The following HERC1 variants were observed in gnomAD, a reference collection of about 807,000 sequenced individuals.
HERC1 encodes HECT and RLD domain containing E3 ubiquitin protein ligase family member 1.
Under a neutral mutation model 554.3 loss-of-function variants are expected in HERC1, and 160 were observed. That is an observed-to-expected ratio of 0.29 (90% CI 0.25 to 0.33). The LOEUF (loss-of-function observed/expected upper bound fraction) is 0.33, where lower values mean the gene tolerates loss of function less well. Ranked by LOEUF, HERC1 falls within the 10% of genes least tolerant of loss-of-function variation. HERC1 has a pLI of 1.00. For missense variants in HERC1, 4,919 were observed against 5,918.5 expected, an observed-to-expected ratio of 0.83 and a Z score of 5.54; for synonymous variants, 2,175 against 2,131.7, an observed-to-expected ratio of 1.02 and a Z score of -0.56.
chr15:63,677,762 C>A lies in HERC1; in HGVS notation c.7070+83G>T. 1 of 1,518,098 alleles carries A rather than the reference C, an allele frequency of 6.6e-7. No individual in the cohort carries two copies. The highest frequency in any genetic ancestry group is 8.8e-7 in the Non-Finnish European group (1 of 1,134,660). 94.0% of individuals were successfully genotyped at this position (1,518,098 alleles called of 1,614,324 possible). A position where few individuals can be genotyped will look rare whatever the true frequency, so the allele number is the denominator to read the frequency against. ...GTTAACTGGCAGCTCACCTAAAATA[C>A]ATAATTACTCACTGTCGACAGGCAA... On this transcript the variant is annotated intron_variant, in intron 37 of 77. Coordinates refer to ENST00000443617, the MANE Select transcript of HERC1 (RefSeq NM_003922.4). The surrounding 1 kb of genome is among the most constrained non-coding windows in gnomAD (Gnocchi z 4.4).
rs763939795 is a variant in HERC1, at chr15:63,775,588, C to G, written c.36G>C (p.Trp12Cys). 6.2e-7 allele frequency: 1 copy of G among 1,606,684 alleles called. No individual in the cohort carries two copies. Among genetic ancestry groups the G allele is most frequent in the Non-Finnish European group, 8.5e-7 (1 of 1,177,052 alleles). ...TCCAGGAGCTGTTCAAGTGTTCAAG[C>G]CATTTCAGCTTCACTGGTGGAATCA... ...ATMIPPVKLK[W>C]LEHLNSSWIT... is the part of the protein sequence containing the mutation. The change falls in exon 2 of 78, where the codon TGG (tryptophan) becomes TGC (cysteine). Residue 12 changes from tryptophan (W) to cysteine (C), a missense_variant. Trp to Cys is a radical substitution (Grantham distance 215). Around this residue, in one of 11 missense-constraint regions of HERC1, gnomAD observed 110 missense variants for 99.3 expected, o/e 1.11. Coordinates refer to ENST00000443617, the MANE Select transcript of HERC1 (RefSeq NM_003922.4). The surrounding 1 kb of genome is among the most constrained non-coding windows in gnomAD (Gnocchi z 4.0).
intron 2 of HERC1, among the ~76,000 whole-genome samples, chr15:63,772,278 G>A (rs899964176): frequency 6.6e-6 from 1 of 152,122 alleles, no homozygotes; most frequent in Non-Finnish European, 1.5e-5. Flanking sequence ...TGTAGAATAA[G>A]GCCTTAGAAG....
rs775620518 is a variant in HERC1, at chr15:63,698,963, T to G, written c.4670A>C (p.Asp1557Ala). 9.3e-6 allele frequency: 15 copies of G among 1,613,078 alleles called. No homozygotes were observed. In the South Asian group the frequency reaches 1.6e-4, roughly 18 times the overall value. ...GCTATGTTTCAGGCGAGCCCAAGAG[T>G]CACTCAGGGATTCCAATTGACTGTG... ...PMHSQLESLS[D>A]SWARLKHSRD... The change falls in exon 26 of 78, where the codon GAC (aspartate) becomes GCC (alanine). Residue 1557 changes from aspartate to alanine, a missense_variant. By Grantham distance (126) the Asp-to-Ala change is moderately radical. Coordinates refer to ENST00000443617, the MANE Select transcript of HERC1 (RefSeq NM_003922.4).
chr15:63,748,377 C>CA (rs1297194837), intron 10 of HERC1, among the ~76,000 whole-genome samples: 1 of 152,048 alleles, frequency 6.6e-6, no homozygotes, highest in Non-Finnish European at 1.5e-5. Flanking sequence ...AACATACAAC[C>CA]ACCACCTGTT....
At position 63,624,442 on chromosome 15, in the gene HERC1, G is replaced by A. The variant is rs540162004; in HGVS notation, c.13276-115C>T. ...CTGGGCGCAGTGGCTCATGCCTGTA[G>A]TCCCAGCACTTTGGGAGGCTGTGGT... On this transcript the variant is annotated intron_variant, in intron 71 of 77. Coordinates refer to ENST00000443617, the MANE Select transcript of HERC1 (RefSeq NM_003922.4). The A allele has an allele frequency of 2.7e-5, 24 of 884,484 alleles. No individual in the cohort carries two copies. In the African/African-American group the frequency reaches 3.0e-4, roughly 11 times the overall value. The allele number at this position is 884,484 out of a possible 1,614,324, so 54.8% of individuals were successfully genotyped here.
At chr15:63,690,084 A>G (rs2072018173) in intron 32 of HERC1, among the ~76,000 whole-genome samples, 1 of 148,622 alleles carries the variant, frequency 6.7e-6, no homozygotes, top group African/African-American at 2.5e-5. Flanking sequence ...AATCACTTGA[A>G]CCCAGGAGGC....
chr15:63,800,353 C>T (rs541308678), intron 1 of HERC1, among the ~76,000 whole-genome samples: 8 of 152,320 alleles, frequency 5.3e-5, no homozygotes, highest in South Asian at 2.1e-4. Flanking sequence ...CTTCTATAGA[C>T]GCCTGAGATC....
intron 2 of HERC1, among the ~76,000 whole-genome samples, chr15:63,774,214 T>C (rs533782135): frequency 6.6e-6 from 1 of 152,354 alleles, no homozygotes; most frequent in African/African-American, 2.4e-5. Flanking sequence ...TGAAATTATA[T>C]ATTTATTATC....
At chr15:63,816,621 T>C (rs972631682) in intron 1 of HERC1, among the ~76,000 whole-genome samples, 1 of 152,212 alleles carries the variant, frequency 6.6e-6, no homozygotes. Context: ...TTTACCAACA[T>C]CCTTTAAATA....
chr15:63,616,742 T>C (rs1235196432), intron 74 of HERC1, 60 bp from the exon 75 acceptor site: 17 of 1,474,434 alleles, frequency 1.2e-5, no homozygotes, highest in Non-Finnish European at 1.5e-5. Flanking sequence ...AGAAATAAGT[T>C]AGCAACAACA....
chr15:63,725,097 G>C (rs892256060), intron 18 of HERC1, among the ~76,000 whole-genome samples, 195 bp downstream of exon 18: 22 of 152,018 alleles, frequency 1.4e-4, no homozygotes, highest in Non-Finnish European at 2.8e-4. Context: ...TTTCCTCTGG[G>C]GGCTCTTTTC....
chr15:63,685,116 A>G (rs566379836), intron 34 of HERC1, among the ~76,000 whole-genome samples: 37 of 152,370 alleles, frequency 2.4e-4, no homozygotes, highest in African/African-American at 7.0e-4. Context: ...CAAGTCTGTC[A>G]AAAGACCACA....
chr15:63,611,410 CT>C (rs2067583811), intron 77 of HERC1, among the ~76,000 whole-genome samples: 1 of 152,194 alleles, frequency 6.6e-6, no homozygotes, highest in Non-Finnish European at 1.5e-5. Context: ...TCTAAGCCCT[CT>C]TATTCCTAAG....
intron 1 of HERC1, among the ~76,000 whole-genome samples, chr15:63,789,735 T>C (rs1315221808): frequency 6.6e-6 from 1 of 151,436 alleles, no homozygotes; most frequent in African/African-American, 2.4e-5. Flanking sequence ...GAGGTGGAAG[T>C]TGCAGTGAGC....
intron 55 of HERC1, among the ~76,000 whole-genome samples, chr15:63,646,754 G>A (rs2069366807): frequency 6.6e-6 from 1 of 151,808 alleles, no homozygotes; most frequent in Non-Finnish European, 1.5e-5. Context: ...GTTGCAGTGA[G>A]CTGAGATCGT....
At chr15:63,646,152 T>G (rs1384684590) in intron 55 of HERC1, among the ~76,000 whole-genome samples, 1 of 152,218 alleles carries the variant, frequency 6.6e-6, no homozygotes, top group Non-Finnish European at 1.5e-5. Flanking sequence ...TTATTTTTAT[T>G]TTTCAATCCT....
Position 63,698,778 on chromosome 15 carries a change from T to A in HERC1, c.4855A>T (p.Ser1619Cys). The change falls in exon 26 of 78, where the codon AGT (serine) becomes TGT (cysteine). Residue 1619 changes from serine (S) to cysteine (C), a missense_variant. Coordinates refer to ENST00000443617, the MANE Select transcript of HERC1 (RefSeq NM_003922.4). ...ATTGCAATGATGGAGGCCTGGGGACTTGTAGACATACTTTCCTCTGGCTCT... is the reference window on the plus strand; with the variant it reads ...ATTGCAATGATGGAGGCCTGGGGACATGTAGACATACTTTCCTCTGGCTCT... The part of the protein sequence containing the change: ...FKEPEESMST[S>C]PQASIIAMEQ... The A allele has an allele frequency of 6.2e-7, 1 of 1,613,948 alleles. No individual in the cohort carries two copies. The highest frequency in any genetic ancestry group is 8.5e-7 in the Non-Finnish European group (1 of 1,179,852).
intron 1 of HERC1, among the ~76,000 whole-genome samples, chr15:63,813,923 G>C (rs1274529534): frequency 1.3e-5 from 2 of 152,120 alleles, no homozygotes; most frequent in Non-Finnish European, 1.5e-5. Flanking sequence ...GCAGGGCATG[G>C]TGGCGGGTGC....
intron 58 of HERC1, 95 bp downstream of exon 58, chr15:63,643,309 T>C (rs1326757540): frequency 7.3e-6 from 8 of 1,094,536 alleles, no homozygotes; most frequent in African/African-American, 6.4e-5. Flanking sequence ...GAGATTACTA[T>C]ATAAAATGTT....
Sources: allele counts gnomAD v4.1 joint callset (sites outside exome capture counted in the v4.1 genomes callset), GRCh38; gene constraint gnomAD v4.1.1; regional missense constraint gnomAD v4.1.1; non-coding constraint Gnocchi (gnomAD v3.1); transcripts MANE v1.5; gene names NCBI Gene and HGNC (gene_info 2026-07-23, HGNC 2026-07-21).